The following MYH15 variants were observed in gnomAD, a reference collection of about 807,000 sequenced individuals.
MYH15 encodes myosin-15.
A neutral mutation model predicts 240.5 loss-of-function variants in MYH15; 227 were observed. The observed-to-expected ratio is 0.94, with a 90% CI of 0.85 to 1.05. MYH15 has a LOEUF of 1.05. MYH15 is among the 50% of genes least tolerant of loss of function. The probability of loss-of-function intolerance (pLI) is 0.00; values close to 1 mark genes in which losing one functional copy is unlikely to be tolerated. For synonymous variants in MYH15, 785 were observed against 796.7 expected (o/e 0.99, Z 0.25); for missense variants, 2,217 against 2,247.5 (o/e 0.99, Z 0.27).
At chr3:108,537,463 G>C in the MYH15 span, among the ~76,000 whole-genome samples, 63,808 of 151,998 alleles carry the variant, frequency 0.42, 14,487 homozygotes, top group East Asian at 0.59. Context: ...TGATGATTAA[G>C]ACATGAGAGC....
At position 108,464,703 on chromosome 3, in the gene MYH15, G is replaced by A; in HGVS notation, c.1666C>T (p.Gln556Ter). ...DNHFGKSVHL[Q>*]KPKPDKKKFE... ...TTCTTCTTATCAGGCTTGGGCTTCT[G>A]GAGATGAACCGACTTTCCAAAATGG... The change falls in exon 15 of 41, where the codon CAG becomes TAG. Residue 556 changes from glutamine to a stop codon, truncating the protein, a stop_gained. Coordinates refer to ENST00000693548, the MANE Select transcript of MYH15 (RefSeq NM_014981.3). LOFTEE classifies it high-confidence loss of function. 1.9e-6 allele frequency: 3 copies of A among 1,613,972 alleles called. No individual in the cohort carries two copies. The highest frequency in any genetic ancestry group is 2.2e-5 in the South Asian group (2 of 91,066).
intron 9 of MYH15, among the ~76,000 whole-genome samples, chr3:108,490,412 A>G (rs2083337537): frequency 6.6e-6 from 1 of 152,162 alleles, no homozygotes; most frequent in Non-Finnish European, 1.5e-5. Flanking sequence ...CTTCTGTGGG[A>G]GCATTGTTGT....
rs1378555186 is a variant in MYH15, at chr3:108,381,312, G to A, written c.*233C>T. 24 of 582,652 alleles carry A rather than the reference G, an allele frequency of 4.1e-5. No homozygotes were observed. The highest frequency in any genetic ancestry group is 1.9e-4 in the South Asian group (9 of 47,352). The allele number at this position is 582,652 out of a possible 1,614,324, so 36.1% of individuals were successfully genotyped here. ...AAAGGTTCTTCCATTTATTTAATCT[G>A]TCATGTGAAGCATTAGAAGGTAGTT... On this transcript the variant is annotated 3_prime_UTR_variant, in exon 41 of 41. Transcript: ENST00000693548.
At chr3:108,491,113 CCT>C (rs2083343467) in intron 9 of MYH15, among the ~76,000 whole-genome samples, 1 of 152,102 alleles carries the variant, frequency 6.6e-6, no homozygotes, top group Non-Finnish European at 1.5e-5. Flanking sequence ...GTCTCAAACC[CCT>C]GACCTCAAGC....
intron 2 of MYH15, among the ~76,000 whole-genome samples, chr3:108,502,991 TA>T (rs1309796511): frequency 2.0e-5 from 3 of 152,170 alleles, no homozygotes; most frequent in Non-Finnish European, 1.5e-5. Context: ...CATCAATAAG[TA>T]GTACTTTACA....
At chr3:108,392,966 G>A (rs1024178355) in intron 36 of MYH15, among the ~76,000 whole-genome samples, 40 of 152,138 alleles carry the variant, frequency 2.6e-4, no homozygotes, top group Admixed American at 1.3e-4. Flanking sequence ...GATACAAAAG[G>A]GATGAGTGAA....
chr3:108,486,616 G>A, intron 9 of MYH15, 90 bp from the exon 10 acceptor site: 1 of 760,520 alleles, frequency 1.3e-6, no homozygotes, highest in South Asian at 2.1e-5. Context: ...TTAGTCTACA[G>A]TTTATATCAT....
At chr3:108,492,382 G>T in intron 9 of MYH15, 118 bp downstream of exon 9, 1 of 548,182 alleles carries the variant, frequency 1.8e-6, no homozygotes, top group Non-Finnish European at 3.2e-6. Context: ...TTTTAAGGAT[G>T]AATATACTGA....
At chr3:108,418,477 T>G (rs1166604130) in intron 28 of MYH15, among the ~76,000 whole-genome samples, 2 of 152,232 alleles carry the variant, frequency 1.3e-5, no homozygotes, top group African/African-American at 2.4e-5. Context: ...TCGTTGCTTT[T>G]GCACCATCAA....
chr3:108,483,699 C>T (rs969103257), intron 11 of MYH15, among the ~76,000 whole-genome samples: 2 of 152,144 alleles, frequency 1.3e-5, no homozygotes, highest in African/African-American at 4.8e-5. Context: ...AACCAAGTGT[C>T]CATAGACTGA....
chr3:108,392,378 C>T, intron 36 of MYH15, among the ~76,000 whole-genome samples: 1 of 152,214 alleles, frequency 6.6e-6, no homozygotes, highest in East Asian at 1.9e-4. Flanking sequence ...ATTCACTACA[C>T]AAACAAGTTT....
Position 108,492,561 on chromosome 3 carries a change from C to A in MYH15, c.810G>T (p.Gln270His), listed in dbSNP as rs1391852990. Residue 270 changes from glutamine to histidine, a missense_variant, in exon 9 of 41, where the codon CAG becomes CAT. By Grantham distance (24) the Gln-to-His change is conservative. Transcript: ENST00000693548. Reference sequence around the variant, plus strand: ...ATATGTGGTAGTTCCTCTCTCCAGCCTGCTGGAAAATCACCCTGGACTTTT... The same window carrying A: ...ATATGTGGTAGTTCCTCTCTCCAGCATGCTGGAAAATCACCCTGGACTTTT... ...LLEKSRVIFQ[Q>H]AGERNYHIFY... The A allele has an allele frequency of 6.2e-7, 1 of 1,613,524 alleles. No homozygotes were observed. The highest frequency in any genetic ancestry group is 1.3e-5 in the African/African-American group (1 of 74,912).
intron 25 of MYH15, among the ~76,000 whole-genome samples, chr3:108,432,574 C>G (rs1352600995): frequency 1.3e-5 from 2 of 152,208 alleles, no homozygotes; most frequent in African/African-American, 2.4e-5. Flanking sequence ...CCTCCTATCA[C>G]AGGCCTAGAG....
At chr3:108,544,390 A>G in the MYH15 span, among the ~76,000 whole-genome samples, 1 of 152,206 alleles carries the variant, frequency 6.6e-6, no homozygotes, top group Admixed American at 6.5e-5. Context: ...CTAACCTTAC[A>G]AAGAAACATA....
At chr3:108,447,164 T>C (rs1436250680) in intron 21 of MYH15, among the ~76,000 whole-genome samples, 1 of 152,088 alleles carries the variant, frequency 6.6e-6, no homozygotes, top group African/African-American at 2.4e-5. Flanking sequence ...TTGAAATTAC[T>C]CATTTAGAGG....
At chr3:108,471,579 T>C (rs1414558807) in intron 12 of MYH15, among the ~76,000 whole-genome samples, 1 of 152,120 alleles carries the variant, frequency 6.6e-6, no homozygotes, top group African/African-American at 2.4e-5. Context: ...ACCTTTGATG[T>C]ATATGTTCTT....
Position 108,460,371 on chromosome 3 carries a change from GCA to G in MYH15, c.1865-6_1865-5del. ...TTCTTCTCCCCAAATGGTATAGCTA[GCA>G]AAAAAAAAAAAAGAAAAAGATGAAA... is the stretch of plus-strand genomic sequence containing the variant. On this transcript the variant is annotated splice_polypyrimidine_tract_variant and splice_region_variant and intron_variant, in intron 16 of 40. Coordinates refer to ENST00000693548, the MANE Select transcript of MYH15 (RefSeq NM_014981.3). 8 of 1,434,088 alleles carry G rather than the reference GCA, an allele frequency of 5.6e-6. No homozygotes were observed. The highest frequency in any genetic ancestry group is 2.7e-5 in the East Asian group (1 of 37,560). The allele number at this position is 1,434,088 out of a possible 1,614,324, so 88.8% of individuals were successfully genotyped here.
chr3:108,398,134 G>A (rs1407524316), intron 35 of MYH15, among the ~76,000 whole-genome samples: 1 of 152,146 alleles, frequency 6.6e-6, no homozygotes. Flanking sequence ...CCATTAGGGT[G>A]GACCTTAATC....
At position 108,492,522 on chromosome 3, in the gene MYH15, T is replaced by A; in HGVS notation, c.849A>T (p.Leu283=). 1 of 1,612,850 alleles carries A rather than the reference T, an allele frequency of 6.2e-7. No individual in the cohort carries two copies. Among genetic ancestry groups the A allele is most frequent in the Middle Eastern group, 1.7e-4 (1 of 6,054 alleles). ...ERNYHIFYQI[L]SGQKELHDLL... Reference sequence around the variant, plus strand: ...TACCATGAAGCTCTTTTTGTCCAGATAGAATTTGATAGAATATGTGGTAGT... The same window carrying A: ...TACCATGAAGCTCTTTTTGTCCAGAAAGAATTTGATAGAATATGTGGTAGT... Residue 283 remains leucine (L), a synonymous_variant, in exon 9 of 41, where the codon CTA becomes CTT. Coordinates refer to ENST00000693548, the MANE Select transcript of MYH15 (RefSeq NM_014981.3).
Sources: gnomAD v4.1 joint callset for allele counts (sites outside exome capture counted in the v4.1 genomes callset) on GRCh38, gnomAD v4.1.1 for gene constraint, MANE v1.5 for transcripts, NCBI Gene and HGNC (gene_info 2026-07-23, HGNC 2026-07-21) for gene names.